The following PIK3AP1 variants were observed in gnomAD, a reference collection of about 807,000 sequenced individuals.
The protein encoded by PIK3AP1 is phosphoinositide 3-kinase adapter protein 1.
A neutral mutation model predicts 88.1 loss-of-function variants in PIK3AP1; 21 were observed. The ratio of observed to expected loss-of-function variants is 0.24; its 90% confidence interval spans 0.17 to 0.34. PIK3AP1 has a LOEUF of 0.34. Among genes scored for constraint, PIK3AP1 ranks in the 10% least tolerant of loss-of-function variants. PIK3AP1 has a pLI of 1.00. For synonymous variants in PIK3AP1, 398 were observed against 400.0 expected, an observed-to-expected ratio of 1.00 and a Z score of 0.06; for missense variants, 828 against 1,035.7, an observed-to-expected ratio of 0.80 and a Z score of 2.75.
intron 2 of PIK3AP1, among the ~76,000 whole-genome samples, chr10:96,676,004 A>G (rs1258421318): frequency 6.6e-6 from 1 of 152,172 alleles, no homozygotes; most frequent in African/African-American, 2.4e-5. Flanking sequence ...GAAAGGTCAG[A>G]GGGACTTTCC....
rs138762195 is a variant in PIK3AP1 at position 96,636,080 on chromosome 10, G to A, written c.1376-7587C>T. ...ACAACAACAACAAAATTAGCCAGGC[G>A]TGGTGGCGTGCACCAGTAATCTCAG... is the stretch of plus-strand genomic sequence containing the variant. On this transcript the variant is annotated intron_variant, in intron 8 of 16. Coordinates refer to ENST00000339364, the MANE Select transcript of PIK3AP1 (RefSeq NM_152309.3). 4.7e-3 allele frequency among the ~76,000 whole-genome samples: 710 copies of A among 152,078 alleles called. 1 individual carries two copies. Among genetic ancestry groups the A allele is most frequent in the African/African-American group, 0.014 (594 of 41,492 alleles).
chr10:96,608,842 A>G (rs2134188681), intron 14 of PIK3AP1, among the ~76,000 whole-genome samples: 1 of 152,366 alleles, frequency 6.6e-6, no homozygotes, highest in Middle Eastern at 3.4e-3. Context: ...TTAAGGAGAT[A>G]TGAGTCCTGA....
In PIK3AP1 at chr10:96,661,111, C is replaced by T. The variant is rs1589522389; in HGVS notation, c.431-4177G>A. Among the ~76,000 whole-genome samples, 4 of 152,026 alleles carry T rather than the reference C, an allele frequency of 2.6e-5. No individual in the cohort carries two copies. In the South Asian group the frequency reaches 8.3e-4, roughly 32 times the overall value. ...GGCTGAGGCAGGAGAATCACTTGAA[C>T]CTGGGAGGTGAAGGTTGCAGTGAGC... On this transcript the variant is annotated intron_variant, in intron 2 of 16. Coordinates refer to ENST00000339364, the MANE Select transcript of PIK3AP1 (RefSeq NM_152309.3).
chr10:96,653,980 A>C (rs958611918), intron 3 of PIK3AP1, among the ~76,000 whole-genome samples: 3 of 152,182 alleles, frequency 2.0e-5, no homozygotes, highest in Non-Finnish European at 4.4e-5. Context: ...ATCCCCCAGA[A>C]GCTTGTTAGA....
rs59631566 is a variant in PIK3AP1 at position 96,687,255 on chromosome 10, CAAAAAAAA to C, written c.430+22304_430+22311del. On this transcript the variant is annotated intron_variant, in intron 2 of 16. Coordinates refer to ENST00000339364, the MANE Select transcript of PIK3AP1 (RefSeq NM_152309.3). ...TGGGCAAAAGAGCGATACTCCATCT[CAAAAAAAA>C]AAAAAAAAAAAAAAAAAAAAAAGAA... is the stretch of plus-strand genomic sequence containing the variant. Among the ~76,000 whole-genome samples the C allele has an allele frequency of 1.6e-3, 90 of 55,334 alleles. 4 individuals are homozygous for C. The highest frequency in any genetic ancestry group is 5.6e-3 in the African/African-American group (74 of 13,210). 36.3% of individuals were successfully genotyped at this position (55,334 alleles called of 152,430 possible). A position where few individuals can be genotyped will look rare whatever the true frequency, so the allele number is the denominator to read the frequency against.
At chr10:96,669,268 A>G (rs1843808814) in intron 2 of PIK3AP1, among the ~76,000 whole-genome samples, 1 of 152,216 alleles carries the variant, frequency 6.6e-6, no homozygotes, top group Admixed American at 6.5e-5. Flanking sequence ...ATCCTACCTA[A>G]GCCACAGTGA....
chr10:96,678,062 C>A (rs1414855988), intron 2 of PIK3AP1, among the ~76,000 whole-genome samples: 1 of 152,062 alleles, frequency 6.6e-6, no homozygotes, highest in Non-Finnish European at 1.5e-5. Context: ...CTCCTGGGCT[C>A]AAATGATCCT....
chr10:96,604,624 C>A (rs1158342906), intron 14 of PIK3AP1, among the ~76,000 whole-genome samples: 1 of 152,074 alleles, frequency 6.6e-6, no homozygotes, highest in Non-Finnish European at 1.5e-5. Context: ...TGCCATTTAA[C>A]CCCTATGAAA....
At chr10:96,620,059 C>A (rs1843055277) in intron 12 of PIK3AP1, among the ~76,000 whole-genome samples, 1 of 152,098 alleles carries the variant, frequency 6.6e-6, no homozygotes, top group South Asian at 2.1e-4. Context: ...AAGCAGGGAG[C>A]CAAATGCAGA....
intron 2 of PIK3AP1, among the ~76,000 whole-genome samples, chr10:96,702,296 C>T (rs748402835): frequency 5.1e-4 from 77 of 152,146 alleles, no homozygotes; most frequent in Non-Finnish European, 9.3e-4. Flanking sequence ...GTCAAGACAT[C>T]GAGACCATCC....
intron 8 of PIK3AP1, among the ~76,000 whole-genome samples, chr10:96,636,392 T>A (rs187142347): frequency 3.9e-5 from 6 of 152,306 alleles, no homozygotes; most frequent in African/African-American, 1.2e-4. Context: ...AACACTTTTT[T>A]AAAAGGTACC....
chr10:96,666,059 G>A (rs1217219320), intron 2 of PIK3AP1, among the ~76,000 whole-genome samples: 2 of 152,014 alleles, frequency 1.3e-5, no homozygotes, highest in East Asian at 1.9e-4. Flanking sequence ...TTTTGCTTTC[G>A]GAGTTGGGAC....
chr10:96,645,409 T>A lies in PIK3AP1; in HGVS notation c.1375+64A>T, dbSNP rs150796265. 1.7e-4 allele frequency: 265 copies of A among 1,558,492 alleles called. No homozygotes were observed. In the African/African-American group the frequency reaches 2.8e-3, roughly 17 times the overall value. The stretch of plus-strand genomic sequence containing the variant: ...TAGGGACTGCCCCGCGCCATCTTCA[T>A]CCGGAATGAAAAAAGCTGTTTCTCA... On this transcript the variant is annotated intron_variant, in intron 8 of 16. Transcript: ENST00000339364.
chr10:96,687,006 TCTC>T (rs780017125), intron 2 of PIK3AP1, among the ~76,000 whole-genome samples: 7 of 151,902 alleles, frequency 4.6e-5, no homozygotes, highest in African/African-American at 7.3e-5. Flanking sequence ...CTGATTAAGA[TCTC>T]CTCCTTTCAG....
chr10:96,617,139 A>G (rs2134197370), intron 12 of PIK3AP1, among the ~76,000 whole-genome samples: 1 of 152,300 alleles, frequency 6.6e-6, no homozygotes, highest in Non-Finnish European at 1.5e-5. Flanking sequence ...AGATATGCCA[A>G]CCATCCAGCA....
intron 2 of PIK3AP1, among the ~76,000 whole-genome samples, chr10:96,693,637 C>A (rs925334004): frequency 1.3e-5 from 2 of 152,206 alleles, no homozygotes; most frequent in African/African-American, 2.4e-5. Flanking sequence ...TCTGTTGACT[C>A]ATGTCTTCAA....
chr10:96,646,829 C>A (rs907873976), intron 7 of PIK3AP1, among the ~76,000 whole-genome samples: 9 of 152,316 alleles, frequency 5.9e-5, no homozygotes, highest in African/African-American at 2.2e-4. Flanking sequence ...TTCCCTGAAA[C>A]CTCTGCACAA....
chr10:96,707,856 G>A (rs1259883765), intron 2 of PIK3AP1, among the ~76,000 whole-genome samples: 1 of 152,148 alleles, frequency 6.6e-6, no homozygotes, highest in Non-Finnish European at 1.5e-5. Context: ...TCTTTCTAAC[G>A]TAAAGATAAG....
intron 2 of PIK3AP1, among the ~76,000 whole-genome samples, chr10:96,692,627 TA>T (rs1844168995): frequency 3.3e-5 from 5 of 151,934 alleles, no homozygotes; most frequent in Admixed American, 3.3e-4. Flanking sequence ...TGTTTTAGCA[TA>T]AAATTACGTC....
Sources: gnomAD v4.1 joint callset for allele counts (sites outside exome capture counted in the v4.1 genomes callset) on GRCh38, gnomAD v4.1.1 for gene constraint, MANE v1.5 for transcripts, NCBI Gene and HGNC (gene_info 2026-07-23, HGNC 2026-07-21) for gene names.